GALNT7: variants seen among roughly 807,000 people sequenced by gnomAD.
The protein encoded by GALNT7 is polypeptide N-acetylgalactosaminyltransferase 7.
A neutral mutation model predicts 82.1 loss-of-function variants in GALNT7; 60 were observed. The ratio of observed to expected loss-of-function variants is 0.73; its 90% CI spans 0.59 to 0.91. The LOEUF (loss-of-function observed/expected upper bound fraction) is 0.91. Ranked by LOEUF, GALNT7 falls within the 40% of genes least tolerant of loss-of-function variation. GALNT7 has a pLI of 0.00. For missense variants in GALNT7, 660 were observed against 804.2 expected (o/e 0.82, Z 2.17); for synonymous variants, 243 against 275.1 (o/e 0.88, Z 1.15).
At chr4:173,249,758 T>A (rs1734785464) in intron 2 of GALNT7, among the ~76,000 whole-genome samples, 1 of 152,186 alleles carries the variant, frequency 6.6e-6, no homozygotes, top group Non-Finnish European at 1.5e-5. Flanking sequence ...AAATCCAATT[T>A]TAACTCGGTG....
At chr4:173,291,260 T>C (rs1234168162) in intron 2 of GALNT7, among the ~76,000 whole-genome samples, 1 of 152,222 alleles carries the variant, frequency 6.6e-6, no homozygotes, top group East Asian at 1.9e-4. Context: ...GGGATTATTA[T>C]CCTCACCCAT....
At chr4:173,300,581 G>T (rs1736885074) in intron 6 of GALNT7, among the ~76,000 whole-genome samples, 1 of 151,780 alleles carries the variant, frequency 6.6e-6, no homozygotes, top group South Asian at 2.1e-4. Context: ...CAGAAAGGAG[G>T]CTGGCACGTT....
At chr4:173,184,386 C>T (rs113652906) in intron 1 of GALNT7, among the ~76,000 whole-genome samples, 1 of 152,008 alleles carries the variant, frequency 6.6e-6, no homozygotes, top group African/African-American at 2.4e-5. Flanking sequence ...CACTCGCGGT[C>T]AGGAGCTGGA....
At position 173,247,996 on chromosome 4, in the gene GALNT7, A is replaced by G. The variant is rs187257127; in HGVS notation, c.143A>G (p.Asn48Ser). ...TTTGTATAGGAAGACAGAGATGTCA[A>G]TGACCCCATGCCCAACCGAGGCGGC... ...LSRMREDRDVNDPMPNRGGNG... is the reference protein window; with the variant it reads ...LSRMREDRDVSDPMPNRGGNG... Residue 48 changes from asparagine (N) to serine (S), a missense_variant, in exon 2 of 12, where the codon AAT (asparagine) becomes AGT (serine). By Grantham distance (46) the Asn-to-Ser change is conservative (BLOSUM62 1). This residue lies in a region of GALNT7 where 133 missense variants were observed against 120.7 expected (regional missense o/e 1.10). Coordinates refer to ENST00000265000, the MANE Select transcript of GALNT7 (RefSeq NM_017423.3). 7.4e-6 allele frequency: 12 copies of G among 1,611,718 alleles called. No homozygotes were observed. Among genetic ancestry groups the G allele is most frequent in the Admixed American group, 6.7e-5 (4 of 59,846 alleles).
intron 3 of GALNT7, among the ~76,000 whole-genome samples, chr4:173,293,375 C>T (rs1736608339): frequency 6.6e-6 from 1 of 151,920 alleles, no homozygotes; most frequent in Non-Finnish European, 1.5e-5. Context: ...GTTTGGGCTA[C>T]CCTTGAATGA....
chr4:173,168,986 C>A (rs1211555206), intron 1 of GALNT7, 25 bp downstream of exon 1: 3 of 1,607,088 alleles, frequency 1.9e-6, no homozygotes, highest in Non-Finnish European at 2.6e-6. Flanking sequence ...CGGCCCCCTC[C>A]GGCGGCAGCG....
At chr4:173,295,690 T>C in intron 4 of GALNT7, 74 bp from the exon 5 acceptor site, 3 of 1,140,470 alleles carry the variant, frequency 2.6e-6, no homozygotes, top group Non-Finnish European at 2.6e-6. Context: ...TATTAGCATC[T>C]AATTTTAAAT....
At chr4:173,250,260 A>C (rs1734800098) in intron 2 of GALNT7, among the ~76,000 whole-genome samples, 1 of 152,224 alleles carries the variant, frequency 6.6e-6, no homozygotes, top group Non-Finnish European at 1.5e-5. Context: ...TTACAATCAG[A>C]GGGTGAGCTT....
intron 2 of GALNT7, among the ~76,000 whole-genome samples, chr4:173,255,193 G>A (rs961851419): frequency 6.6e-6 from 1 of 152,168 alleles, no homozygotes; most frequent in Non-Finnish European, 1.5e-5. Context: ...CATTAGCAGA[G>A]TAGCAGCAAT....
At chr4:173,288,080 G>A (rs544796854) in intron 2 of GALNT7, among the ~76,000 whole-genome samples, 55 of 151,656 alleles carry the variant, frequency 3.6e-4, no homozygotes, top group African/African-American at 1.2e-3. Context: ...TCAGGAGATC[G>A]AGACCATCCT....
At chr4:173,222,258 A>G (rs1368886072) in intron 1 of GALNT7, among the ~76,000 whole-genome samples, 1 of 152,146 alleles carries the variant, frequency 6.6e-6, no homozygotes, top group Non-Finnish European at 1.5e-5. Context: ...TTAAAATGCA[A>G]TTTTTAATTT....
chr4:173,184,123 C>A (rs1426136544), intron 1 of GALNT7, among the ~76,000 whole-genome samples: 1 of 148,000 alleles, frequency 6.8e-6, no homozygotes, highest in Non-Finnish European at 1.5e-5. Context: ...GACTGGGCGG[C>A]GGGGCAGAGG....
At chr4:173,239,053 T>C (rs1398991139) in intron 1 of GALNT7, among the ~76,000 whole-genome samples, 1 of 152,234 alleles carries the variant, frequency 6.6e-6, no homozygotes, top group African/African-American at 2.4e-5. Context: ...GGGAACTGTT[T>C]GCAAGATAAA....
At chr4:173,297,895 T>A in intron 5 of GALNT7, 1 of 1,506,752 alleles carries the variant, frequency 6.6e-7, no homozygotes, top group Admixed American at 2.3e-5. Flanking sequence ...CAGAGGGGCC[T>A]GGGACTGGAG....
intron 2 of GALNT7, among the ~76,000 whole-genome samples, chr4:173,257,020 G>A (rs966520520): frequency 8.5e-5 from 13 of 152,128 alleles, no homozygotes; most frequent in African/African-American, 1.9e-4. Flanking sequence ...TGCCATAGTC[G>A]GCTATAAAAC....
chr4:173,216,104 C>T (rs192428664), intron 1 of GALNT7, among the ~76,000 whole-genome samples: 13 of 152,158 alleles, frequency 8.5e-5, no homozygotes, highest in Non-Finnish European at 1.3e-4. Context: ...GGTGACAGAG[C>T]AAGACTCTGT....
chr4:173,196,453 G>T (rs996313257), intron 1 of GALNT7, among the ~76,000 whole-genome samples: 25 of 152,148 alleles, frequency 1.6e-4, no homozygotes, highest in Non-Finnish European at 2.6e-4. Flanking sequence ...GTTTAAAATG[G>T]AAGCATTTTA....
intron 1 of GALNT7, among the ~76,000 whole-genome samples, chr4:173,227,116 A>C (rs893531618): frequency 6.6e-6 from 1 of 152,138 alleles, no homozygotes; most frequent in Admixed American, 6.5e-5. Flanking sequence ...CATTCCTTTT[A>C]ATTCCTTGCT....
chr4:173,252,525 C>A (rs1302469135), intron 2 of GALNT7, among the ~76,000 whole-genome samples: 1 of 152,188 alleles, frequency 6.6e-6, no homozygotes, highest in Admixed American at 6.5e-5. Flanking sequence ...TGGCATGACT[C>A]ACACTTCTGT....
Sources: allele counts gnomAD v4.1 joint callset (sites outside exome capture counted in the v4.1 genomes callset), GRCh38; gene constraint gnomAD v4.1.1; regional missense constraint gnomAD v4.1.1; transcripts MANE v1.5; gene names NCBI Gene and HGNC (gene_info 2026-07-23, HGNC 2026-07-21).